CFAP52: variants seen among roughly 807,000 people sequenced by gnomAD.
The protein encoded by CFAP52 is cilia and flagella associated protein 52, also known as cilia- and flagella-associated protein 52.
Under a neutral mutation model 70.5 loss-of-function variants are expected in CFAP52, and 57 were observed. The observed-to-expected ratio is 0.81, with a 90% CI of 0.65 to 1.01. The LOEUF is 1.01. Ranked by LOEUF, CFAP52 falls within the 50% of genes least tolerant of loss-of-function variation. The pLI is 0.00. For missense variants in CFAP52, 785 were observed against 788.5 expected (o/e 1.00, Z 0.05); for synonymous variants, 267 against 292.5 (o/e 0.91, Z 0.89).
intron 8 of CFAP52, among the ~76,000 whole-genome samples, chr17:9,612,709 C>T (rs1909761756): frequency 6.6e-6 from 1 of 151,956 alleles, no homozygotes; most frequent in South Asian, 2.1e-4. Context: ...TCTAATAAAC[C>T]CCTCATGGAA....
At chr17:9,628,469 G>A (rs780107266) in intron 8 of CFAP52, among the ~76,000 whole-genome samples, 4 of 151,624 alleles carry the variant, frequency 2.6e-5, no homozygotes, top group Non-Finnish European at 4.4e-5. Flanking sequence ...TAGTAGAAAC[G>A]GGGTTTCACC....
intron 9 of CFAP52, among the ~76,000 whole-genome samples, chr17:9,632,157 A>T (rs1307007446): frequency 6.6e-6 from 1 of 151,676 alleles, no homozygotes; most frequent in African/African-American, 2.4e-5. Context: ...GGCTCACTGC[A>T]ACCTCCATCT....
At chr17:9,589,751 A>G (rs7503872) in intron 3 of CFAP52, among the ~76,000 whole-genome samples, 2,949 of 134,784 alleles carry the variant, frequency 0.022, 39 homozygotes, top group East Asian at 0.049. Context: ...AAAAAAAAAA[A>G]AAAGAAAAGA....
intron 3 of CFAP52, among the ~76,000 whole-genome samples, chr17:9,593,498 C>T (rs1338562308): frequency 6.6e-6 from 1 of 152,174 alleles, no homozygotes; most frequent in Non-Finnish European, 1.5e-5. Flanking sequence ...CTCTCTTGCC[C>T]AGGCTGGAGT....
intron 6 of CFAP52, among the ~76,000 whole-genome samples, chr17:9,602,419 CCAG>C (rs1419750402): frequency 1.3e-5 from 2 of 152,108 alleles, no homozygotes; most frequent in Non-Finnish European, 2.9e-5. Context: ...ATGATGGTTT[CCAG>C]CTTCATCCAT....
rs1373429447 is a variant in CFAP52 at position 9,585,787 on chromosome 17, G to A, written c.85G>A (p.Gly29Ser). 1.2e-6 allele frequency: 2 copies of A among 1,614,058 alleles called. No homozygotes were observed. The highest frequency in any genetic ancestry group is 8.5e-7 in the Non-Finnish European group (1 of 1,180,010). ...VIGFNGHVPT[G>S]LKCHPDQEHM... ...CTCTCTTTTAGGACATGTGCCCACTGGTCTCAAATGCCATCCTGACCAGGA... is the reference window on the plus strand; with the variant it reads ...CTCTCTTTTAGGACATGTGCCCACTAGTCTCAAATGCCATCCTGACCAGGA... The change falls in exon 2 of 14, where the codon GGT becomes AGT. Residue 29 changes from glycine (G) to serine (S), a missense_variant. Physicochemically the swap from Gly to Ser is moderately conservative, Grantham distance 56 (BLOSUM62 0). Transcript: ENST00000352665.
chr17:9,594,338 G>A lies in CFAP52; in HGVS notation c.536+17G>A, dbSNP rs373886434. ...TGCTGGAAAGTATGTGTCTGCGTTCGGAGTTTTCAGAACTCATAAATTGCT... is the reference window on the plus strand; with the variant it reads ...TGCTGGAAAGTATGTGTCTGCGTTCAGAGTTTTCAGAACTCATAAATTGCT... On this transcript the variant is annotated intron_variant, in intron 4 of 13. Coordinates refer to ENST00000352665, the MANE Select transcript of CFAP52 (RefSeq NM_145054.5). 2.6e-5 allele frequency: 41 copies of A among 1,606,640 alleles called. No homozygotes were observed. The East Asian group carries it at 5.8e-4, about 23-fold the overall frequency.
At chr17:9,579,799 C>T (rs556919328) in intron 1 of CFAP52, among the ~76,000 whole-genome samples, 2 of 152,280 alleles carry the variant, frequency 1.3e-5, no homozygotes, top group Admixed American at 1.3e-4. Context: ...AACTCCTGAC[C>T]TCAGGTGATC....
chr17:9,608,228 C>T lies in CFAP52; in HGVS notation c.854+9C>T, dbSNP rs532655199. On this transcript the variant is annotated intron_variant, in intron 7 of 13. Coordinates refer to ENST00000352665, the MANE Select transcript of CFAP52 (RefSeq NM_145054.5). ...GGCTACAAACCCATCAAGTAAGTTC[C>T]GGGTCTCACACAGTGGGGCTGGGTA... 3.7e-5 allele frequency: 59 copies of T among 1,600,666 alleles called. No homozygotes were observed. Among genetic ancestry groups the T allele is most frequent in the South Asian group, 4.5e-5 (4 of 88,898 alleles).
At chr17:9,642,341 C>T (rs757616996) in intron 13 of CFAP52, among the ~76,000 whole-genome samples, 3 of 152,166 alleles carry the variant, frequency 2.0e-5, no homozygotes, top group African/African-American at 2.4e-5. Flanking sequence ...CAAATAAATG[C>T]GGCCAGGCGT....
At chr17:9,614,467 T>G (rs532674114) in intron 8 of CFAP52, among the ~76,000 whole-genome samples, 95 of 152,334 alleles carry the variant, frequency 6.2e-4, no homozygotes, top group Non-Finnish European at 1.1e-3. Flanking sequence ...CTCAAAATAT[T>G]TCTCTTGCCA....
chr17:9,608,316 T>A (rs1597782253), intron 7 of CFAP52, 97 bp downstream of exon 7: 1 of 1,018,364 alleles, frequency 9.8e-7, no homozygotes, highest in African/African-American at 1.6e-5. Flanking sequence ...AAAGTGATAT[T>A]TGGTTAAAAA....
chr17:9,599,494 C>T (rs768997804), intron 5 of CFAP52, among the ~76,000 whole-genome samples: 2 of 152,192 alleles, frequency 1.3e-5, no homozygotes, highest in Non-Finnish European at 2.9e-5. Context: ...TGCCTATTAA[C>T]ATCAGAACCA....
At chr17:9,640,343 G>A (rs769322582) in intron 12 of CFAP52, among the ~76,000 whole-genome samples, 1 of 151,024 alleles carries the variant, frequency 6.6e-6, no homozygotes, top group Admixed American at 6.6e-5. Flanking sequence ...CCATCACCTC[G>A]GTATTAAGCC....
chr17:9,629,069 A>G (rs1449254274), intron 9 of CFAP52, among the ~76,000 whole-genome samples: 1 of 152,172 alleles, frequency 6.6e-6, no homozygotes, highest in African/African-American at 2.4e-5. Context: ...CTTTCTCTCT[A>G]GTAGGAAAAT....
intron 1 of CFAP52, among the ~76,000 whole-genome samples, chr17:9,581,045 G>A (rs1047303253): frequency 1.3e-5 from 2 of 152,196 alleles, no homozygotes; most frequent in African/African-American, 4.8e-5. Context: ...GGCCAGGCGT[G>A]GTGGCTCACG....
rs764032293 is a variant in CFAP52, at chr17:9,633,044, C to T, written c.1320+11C>T. ...GGTGGGGAAGGGGAGGTATTGAAAGCAGAAATTTGAAAAAATAACGCTCTG... is the reference window on the plus strand; with the variant it reads ...GGTGGGGAAGGGGAGGTATTGAAAGTAGAAATTTGAAAAAATAACGCTCTG... On this transcript the variant is annotated intron_variant, in intron 10 of 13. Coordinates refer to ENST00000352665, the MANE Select transcript of CFAP52 (RefSeq NM_145054.5). The T allele has an allele frequency of 6.2e-7, 1 of 1,610,044 alleles. No individual in the cohort carries two copies. Among genetic ancestry groups the T allele is most frequent in the South Asian group, 1.1e-5 (1 of 90,308 alleles).
At chr17:9,588,049 T>C (rs1299879907) in intron 3 of CFAP52, among the ~76,000 whole-genome samples, 1 of 152,160 alleles carries the variant, frequency 6.6e-6, no homozygotes, top group Non-Finnish European at 1.5e-5. Flanking sequence ...CCCAGTACTG[T>C]GTTGAACACA....
At chr17:9,577,685 G>T (rs768341853) in intron 1 of CFAP52, among the ~76,000 whole-genome samples, 1 of 152,136 alleles carries the variant, frequency 6.6e-6, no homozygotes, top group Non-Finnish European at 1.5e-5. Flanking sequence ...TATACATTTC[G>T]GATATCAGAT....
Sources: allele counts gnomAD v4.1 joint callset (sites outside exome capture counted in the v4.1 genomes callset), GRCh38; gene constraint gnomAD v4.1.1; transcripts MANE v1.5; gene names NCBI Gene and HGNC (gene_info 2026-07-23, HGNC 2026-07-21).